Variants in NRXN3 observed in about 807,000 individuals in gnomAD.
The protein encoded by NRXN3 is neurexin III.
A neutral mutation model predicts 137.6 loss-of-function variants in NRXN3; 32 were observed. The observed-to-expected ratio is 0.23, with a 90% CI of 0.18 to 0.31. NRXN3 has a LOEUF of 0.31. Among genes scored for constraint, NRXN3 ranks in the 10% least tolerant of loss-of-function variants. The pLI is 1.00. For missense variants in NRXN3, 1,574 were observed against 2,062.5 expected (o/e 0.76, Z 4.59); for synonymous variants, 798 against 784.5 (o/e 1.02, Z -0.29).
chr14:78,552,695 A>G (rs1014879478), intron 4 of NRXN3, among the ~76,000 whole-genome samples: 4 of 152,180 alleles, frequency 2.6e-5, no homozygotes, highest in African/African-American at 9.6e-5. Context: ...ATAAGTAGTA[A>G]TTAGAAATAA....
chr14:79,817,423 C>A (rs1034300207), intron 20 of NRXN3, among the ~76,000 whole-genome samples: 1 of 152,184 alleles, frequency 6.6e-6, no homozygotes, highest in Non-Finnish European at 1.5e-5. Context: ...GACTTCTAGG[C>A]TTTCTCCTAT....
chr14:79,481,214 T>C lies in NRXN3; in HGVS notation c.3444+13812T>C, dbSNP rs140927379. 1.4e-4 allele frequency among the ~76,000 whole-genome samples: 22 copies of C among 152,300 alleles called. No individual in the cohort carries two copies. The East Asian group carries it at 4.1e-3, about 28-fold the overall frequency. ...AATTTTGTGAAAATGTGCTATCATA[T>C]ATATTTTATTAATTAACTAGTTAAC... On this transcript the variant is annotated intron_variant, in intron 16 of 20. Transcript: ENST00000335750.
At chr14:78,862,547 G>A (rs932211775) in intron 10 of NRXN3, among the ~76,000 whole-genome samples, 3 of 151,942 alleles carry the variant, frequency 2.0e-5, no homozygotes, top group Non-Finnish European at 4.4e-5. Flanking sequence ...TGTATGGTCT[G>A]TTTTATTAAA....
intron 15 of NRXN3, among the ~76,000 whole-genome samples, chr14:79,024,373 G>T (rs932609686): frequency 2.0e-5 from 3 of 151,990 alleles, no homozygotes; most frequent in African/African-American, 7.3e-5. Context: ...ATCAAATTCA[G>T]GTTTTTAAAT....
intron 4 of NRXN3, among the ~76,000 whole-genome samples, chr14:78,537,984 A>C (rs1018962754): frequency 4.6e-5 from 7 of 152,058 alleles, no homozygotes; most frequent in Admixed American, 3.9e-4. Context: ...TGTTTTGGTA[A>C]CAGTACCATG....
At chr14:78,839,783 T>C (rs1407500839) in intron 10 of NRXN3, among the ~76,000 whole-genome samples, 1 of 152,168 alleles carries the variant, frequency 6.6e-6, no homozygotes, top group South Asian at 2.1e-4. Flanking sequence ...GCTGGAGGGT[T>C]CCACAAGAAT....
rs114289820 is a variant in NRXN3, at chr14:79,335,469, G to A, written c.3263-131752G>A. ...TTTTTTCTCCCTATTATATTTCTGC[G>A]TGTTCACACCCCTCTATTAACAGAG... On this transcript the variant is annotated intron_variant, in intron 15 of 20. Coordinates refer to ENST00000335750, the MANE Select transcript of NRXN3 (RefSeq NM_001330195.2). Among the ~76,000 whole-genome samples, 1,496 of 151,922 alleles carry A rather than the reference G, an allele frequency of 9.8e-3. 26 individuals are homozygous for A. The highest frequency in any genetic ancestry group is 0.034 in the African/African-American group (1,397 of 41,406).
At chr14:78,423,329 A>G (rs1031538429) in intron 4 of NRXN3, among the ~76,000 whole-genome samples, 3 of 151,944 alleles carry the variant, frequency 2.0e-5, no homozygotes, top group Non-Finnish European at 2.9e-5. Context: ...CTCTCACCTA[A>G]TTTTTTTTCT....
chr14:79,276,859 G>C lies in NRXN3; in HGVS notation c.3263-190362G>C, dbSNP rs138016669. 3.0e-3 allele frequency among the ~76,000 whole-genome samples: 450 copies of C among 152,254 alleles called. 3 individuals are homozygous for C. Among genetic ancestry groups the C allele is most frequent in the African/African-American group, 0.01 (426 of 41,540 alleles). ...ATAAGGAAAATGTGAGTATGAGATT[G>C]GCAATTGATTCACTGAGTTCGTTCA... On this transcript the variant is annotated intron_variant, in intron 15 of 20. Coordinates refer to ENST00000335750, the MANE Select transcript of NRXN3 (RefSeq NM_001330195.2).
chr14:78,481,105 C>T (rs545790674), intron 4 of NRXN3, among the ~76,000 whole-genome samples: 494 of 152,252 alleles, frequency 3.2e-3, no homozygotes, highest in Non-Finnish European at 4.7e-3. Flanking sequence ...CACAAGTCTT[C>T]TATTATATTC....
chr14:78,520,685 A>G (rs891720532), intron 4 of NRXN3, among the ~76,000 whole-genome samples: 2 of 152,204 alleles, frequency 1.3e-5, no homozygotes, highest in African/African-American at 4.8e-5. Context: ...TATTCCCTGT[A>G]TACTCACAAA....
At chr14:79,589,664 T>G (rs1567591486) in intron 16 of NRXN3, among the ~76,000 whole-genome samples, 1 of 151,988 alleles carries the variant, frequency 6.6e-6, no homozygotes, top group East Asian at 1.9e-4. Flanking sequence ...AGTGGCATTT[T>G]CTCTTGCTGC....
At chr14:78,538,693 G>A (rs964440167) in intron 4 of NRXN3, among the ~76,000 whole-genome samples, 8 of 152,148 alleles carry the variant, frequency 5.3e-5, no homozygotes, top group Middle Eastern at 3.4e-3. Flanking sequence ...TCTTGTGCCA[G>A]TTTTCAAAGG....
chr14:78,726,672 T>C (rs1242677644), intron 8 of NRXN3, among the ~76,000 whole-genome samples: 2 of 151,744 alleles, frequency 1.3e-5, no homozygotes, highest in East Asian at 3.9e-4. Flanking sequence ...GCATGTACCA[T>C]CACACCCGGC....
chr14:79,217,561 G>A (rs75093808), intron 15 of NRXN3, among the ~76,000 whole-genome samples: 4,257 of 152,282 alleles, frequency 0.028, 141 homozygotes, highest in East Asian at 0.097. Flanking sequence ...GAACATATAA[G>A]TGAGAAAATA....
chr14:79,116,485 G>A (rs1236668462), intron 15 of NRXN3, among the ~76,000 whole-genome samples: 2 of 152,210 alleles, frequency 1.3e-5, no homozygotes, highest in Non-Finnish European at 1.5e-5. Context: ...CTCTGGCTTA[G>A]TTACTGTTTG....
intron 20 of NRXN3, among the ~76,000 whole-genome samples, chr14:79,849,175 C>T (rs985338687): frequency 4.6e-5 from 7 of 152,150 alleles, no homozygotes; most frequent in East Asian, 1.9e-4. Context: ...AATTCTGCAA[C>T]GGCTTCCCAA....
At chr14:79,663,277 C>A (rs923677641) in intron 16 of NRXN3, among the ~76,000 whole-genome samples, 1 of 151,514 alleles carries the variant, frequency 6.6e-6, no homozygotes, top group Non-Finnish European at 1.5e-5. Flanking sequence ...TATTTATATA[C>A]ACACACACAT....
intron 19 of NRXN3, among the ~76,000 whole-genome samples, chr14:79,719,278 CATAT>C (rs2098834477): frequency 1.0e-5 from 1 of 98,064 alleles, no homozygotes; most frequent in Admixed American, 1.2e-4. Flanking sequence ...TGTGTGTGTA[CATAT>C]ATATGTATGT....
Sources: gnomAD v4.1 joint callset for allele counts (sites outside exome capture counted in the v4.1 genomes callset) on GRCh38, gnomAD v4.1.1 for gene constraint, MANE v1.5 for transcripts, NCBI Gene and HGNC (gene_info 2026-07-23, HGNC 2026-07-21) for gene names.